The following HYDIN variants were observed in gnomAD, a reference collection of about 807,000 sequenced individuals.
The protein encoded by HYDIN is HYDIN axonemal central pair apparatus protein, also known as axonemal central pair apparatus protein HYDIN.
Under a neutral mutation model 403.9 loss-of-function variants are expected in HYDIN, and 132 were observed. The observed-to-expected ratio is 0.33, with a 90% CI of 0.28 to 0.38. The LOEUF is 0.38. Among genes scored for constraint, HYDIN ranks in the 10% least tolerant of loss-of-function variants. HYDIN has a pLI of 1.00. For synonymous variants in HYDIN, 1,202 were observed against 1,891.7 expected, an observed-to-expected ratio of 0.64 and a Z score of 9.46; for missense variants, 2,827 against 5,009.5, an observed-to-expected ratio of 0.56 and a Z score of 13.15.
intron 50 of HYDIN, among the ~76,000 whole-genome samples, chr16:70,904,508 T>TA (rs2076476795): frequency 1.8e-5 from 1 of 55,600 alleles, no homozygotes; most frequent in Non-Finnish European, 3.3e-5. Context: ...TTTTTTTTTT[T>TA]TTTTTTTTTT....
Position 71,041,088 on chromosome 16 carries a change from G to C in HYDIN, c.2530-9171C>G, listed in dbSNP as rs367900713. 2.3e-3 allele frequency among the ~76,000 whole-genome samples: 337 copies of C among 148,100 alleles called. 3 individuals are homozygous for C. The highest frequency in any genetic ancestry group is 7.9e-3 in the African/African-American group (315 of 40,076). ...ATCTCTCCCCTTAGTACCAGGTATA[G>C]GAAAAGGGCTCAAAAGTAGTATTTA... On this transcript the variant is annotated intron_variant, in intron 18 of 85. Coordinates refer to ENST00000393567, the MANE Select transcript of HYDIN (RefSeq NM_001270974.2).
chr16:71,055,731 G>C (rs573127238), intron 18 of HYDIN, among the ~76,000 whole-genome samples: 1 of 152,062 alleles, frequency 6.6e-6, no homozygotes, highest in Non-Finnish European at 1.5e-5. Context: ...TTTCTCTGCA[G>C]ATCACGGAGG....
rs765151915 is a variant in HYDIN at position 71,175,715 on chromosome 16, T to C, written c.408A>G (p.Glu136=). Residue 136 remains glutamate (E), a synonymous_variant, in exon 5 of 86, where the codon GAA becomes GAG. Transcript: ENST00000393567. ...DKIPRLVKVV[E]ESSPYFKVIS... ...TTACTTTAAAGTAAGGCGAACTTTC[T>C]TCCACAACTTTCACCAACCTTGGAA... 84 of 1,614,084 alleles carry C rather than the reference T, an allele frequency of 5.2e-5. No homozygotes were observed. The highest frequency in any genetic ancestry group is 6.7e-5 in the Non-Finnish European group (79 of 1,180,030).
intron 4 of HYDIN, 51 bp downstream of exon 4, chr16:71,178,877 C>T: frequency 2.0e-6 from 3 of 1,490,350 alleles, no homozygotes; most frequent in Non-Finnish European, 2.7e-6. Context: ...TTACTTTAAC[C>T]CATTCTCATA....
chr16:71,141,073 T>C (rs2085150644), intron 7 of HYDIN, among the ~76,000 whole-genome samples: 1 of 151,536 alleles, frequency 6.6e-6, no homozygotes, highest in South Asian at 2.1e-4. Flanking sequence ...TAGAAATTGA[T>C]AGAATTAAAA....
intron 23 of HYDIN, among the ~76,000 whole-genome samples, chr16:71,004,915 CT>C (rs1453334666): frequency 6.6e-6 from 1 of 151,844 alleles, no homozygotes; most frequent in Non-Finnish European, 1.5e-5. Context: ...ATTTAGATTT[CT>C]TTTTTTATAA....
intron 3 of HYDIN, among the ~76,000 whole-genome samples, chr16:71,183,093 T>C (rs892724373): frequency 2.0e-5 from 3 of 151,918 alleles, no homozygotes; most frequent in Non-Finnish European, 4.4e-5. Flanking sequence ...GAGATGGAAA[T>C]AGGAAGGCTA....
intron 1 of HYDIN, among the ~76,000 whole-genome samples, chr16:71,202,041 T>A (rs977353668): frequency 6.6e-6 from 1 of 152,244 alleles, no homozygotes; most frequent in Admixed American, 6.5e-5. Flanking sequence ...AAAGCCATGT[T>A]TGCCTTACTA....
In HYDIN at chr16:70,807,462, C is replaced by A; in HGVS notation, c.*118G>T. The A allele has an allele frequency of 8.6e-7, 1 of 1,158,864 alleles. No homozygotes were observed. The allele number at this position is 1,158,864 out of a possible 1,614,324, so 71.8% of individuals were successfully genotyped here. On this transcript the variant is annotated 3_prime_UTR_variant, in exon 86 of 86. Transcript: ENST00000393567. ...AACACATAATAGGGAAATAACTGCC[C>A]TATAATTGTATGAGAAGAATAAAAA...
At chr16:71,081,169 A>G (rs1039296377) in intron 12 of HYDIN, among the ~76,000 whole-genome samples, 3 of 152,194 alleles carry the variant, frequency 2.0e-5, no homozygotes, top group African/African-American at 7.2e-5. Flanking sequence ...TATCTTGTTT[A>G]CCTTCAGAGC....
chr16:70,804,682 G>A lies in HYDIN; in HGVS notation c.*2898C>T, dbSNP rs1238149683. On this transcript the variant is annotated 3_prime_UTR_variant, in exon 86 of 86. Transcript: ENST00000393567. ...TCTCCAGAGCATTGAGGGGAACTATGATCTTTAGCAGGGTCTACGTGATTC... is the reference window on the plus strand; with the variant it reads ...TCTCCAGAGCATTGAGGGGAACTATAATCTTTAGCAGGGTCTACGTGATTC... Among the ~76,000 whole-genome samples, 2 of 152,200 alleles carry A rather than the reference G, an allele frequency of 1.3e-5. No individual in the cohort carries two copies. The highest frequency in any genetic ancestry group is 2.9e-5 in the Non-Finnish European group (2 of 68,034).
At chr16:71,154,203 A>G (rs2085661302) in intron 6 of HYDIN, among the ~76,000 whole-genome samples, 1 of 150,020 alleles carries the variant, frequency 6.7e-6, no homozygotes, top group African/African-American at 2.5e-5. Context: ...ACTGTGAGCA[A>G]TTGGTTATTT....
intron 18 of HYDIN, among the ~76,000 whole-genome samples, chr16:71,052,251 C>T (rs534703992): frequency 6.6e-6 from 1 of 151,382 alleles, no homozygotes; most frequent in African/African-American, 2.4e-5. Flanking sequence ...TTATTGTTAT[C>T]ATTAAGCTGT....
At chr16:71,032,116 C>G (rs1164424070) in intron 18 of HYDIN, among the ~76,000 whole-genome samples, 199 bp from the exon 19 acceptor site, 4 of 151,538 alleles carry the variant, frequency 2.6e-5, no homozygotes, top group African/African-American at 4.9e-5. Context: ...AAGAGCAAAC[C>G]TACGATTTTA....
chr16:70,995,638 G>A (rs1265536676), intron 23 of HYDIN, among the ~76,000 whole-genome samples: 1 of 152,042 alleles, frequency 6.6e-6, no homozygotes, highest in African/African-American at 2.4e-5. Context: ...TTCAGTTAAT[G>A]TTCTGTGTTG....
At chr16:71,185,098 T>C in intron 2 of HYDIN, 108 bp from the exon 3 acceptor site, 2 of 628,960 alleles carry the variant, frequency 3.2e-6, no homozygotes, top group South Asian at 9.4e-5. Context: ...TTCAGGATAA[T>C]TCTGGAATGC....
In HYDIN at chr16:70,938,128, G is replaced by A. The variant is rs12448431; in HGVS notation, c.6995+486C>T. ...TAGACCTCAGGGGATGGGCAGCACC[G>A]CCCAAGGCCAAGAAGGGGACCCAGG... On this transcript the variant is annotated intron_variant, in intron 44 of 85. Transcript: ENST00000393567. Among the ~76,000 whole-genome samples, 565 of 152,180 alleles carry A rather than the reference G, an allele frequency of 3.7e-3. 1 individual carries two copies. The highest frequency in any genetic ancestry group is 0.013 in the African/African-American group (525 of 41,418).
intron 1 of HYDIN, among the ~76,000 whole-genome samples, chr16:71,221,608 AAAGAAATTC>A (rs1651966804): frequency 6.6e-6 from 1 of 152,218 alleles, no homozygotes; most frequent in African/African-American, 2.4e-5. Context: ...TCCTGTAGGA[AAAGAAATTC>A]AAGAAATGAA....
At chr16:70,914,540 T>C (rs919674569) in intron 47 of HYDIN, among the ~76,000 whole-genome samples, 1 of 139,310 alleles carries the variant, frequency 7.2e-6, no homozygotes, top group Non-Finnish European at 1.6e-5. Flanking sequence ...TTGTTGATTA[T>C]GTTGTTTTTG....
Sources: allele counts gnomAD v4.1 joint callset (sites outside exome capture counted in the v4.1 genomes callset), GRCh38; gene constraint gnomAD v4.1.1; transcripts MANE v1.5; gene names NCBI Gene and HGNC (gene_info 2026-07-23, HGNC 2026-07-21).